The following ADCY2 variants were observed in gnomAD, a reference collection of about 807,000 sequenced individuals.
The protein encoded by ADCY2 is adenylate cyclase type 2.
ADCY2 carries 31 observed loss-of-function variants against 125.2 expected under a neutral mutation model. The ratio of observed to expected loss-of-function variants is 0.25; its 90% CI spans 0.19 to 0.33. ADCY2 has a LOEUF of 0.33. Ranked by LOEUF, ADCY2 falls within the 10% of genes least tolerant of loss-of-function variation. The pLI is 1.00. For missense variants in ADCY2, 904 were observed against 1,418.2 expected, an observed-to-expected ratio of 0.64 and a Z score of 5.82; for synonymous variants, 512 against 548.4, an observed-to-expected ratio of 0.93 and a Z score of 0.93.
intron 1 of ADCY2, among the ~76,000 whole-genome samples, chr5:7,412,030 C>A (rs1426477844): frequency 7.9e-5 from 12 of 151,644 alleles, no homozygotes; most frequent in Admixed American, 7.2e-4. Context: ...AGCCGAGATC[C>A]CGCCACAGCA....
intron 4 of ADCY2, among the ~76,000 whole-genome samples, chr5:7,646,238 G>T (rs1342245975): frequency 6.6e-6 from 1 of 151,802 alleles, no homozygotes; most frequent in Non-Finnish European, 1.5e-5. Context: ...AACAAAGCCA[G>T]AAATTGTTTT....
intron 2 of ADCY2, among the ~76,000 whole-genome samples, chr5:7,513,402 A>G (rs1014864816): frequency 2.0e-5 from 3 of 152,204 alleles, no homozygotes; most frequent in African/African-American, 7.2e-5. Flanking sequence ...AGGTGAAAAC[A>G]TGTTTATTGT....
intron 3 of ADCY2, among the ~76,000 whole-genome samples, chr5:7,535,199 C>A (rs1254301931): frequency 1.3e-5 from 2 of 152,184 alleles, no homozygotes; most frequent in Non-Finnish European, 2.9e-5. Context: ...TGCCACCACG[C>A]CCAGCTAATT....
At chr5:7,614,727 C>T (rs1179729293) in intron 3 of ADCY2, among the ~76,000 whole-genome samples, 1 of 152,162 alleles carries the variant, frequency 6.6e-6, no homozygotes, top group Non-Finnish European at 1.5e-5. Context: ...CAGGGGACTG[C>T]AGGGCAAGAG....
intron 3 of ADCY2, among the ~76,000 whole-genome samples, chr5:7,521,185 G>A (rs1744433226): frequency 1.3e-5 from 2 of 152,080 alleles, no homozygotes. Context: ...TGATTTTGAT[G>A]GTCAAAAGGT....
At chr5:7,525,738 G>T (rs1196102693) in intron 3 of ADCY2, among the ~76,000 whole-genome samples, 3 of 151,900 alleles carry the variant, frequency 2.0e-5, no homozygotes, top group African/African-American at 7.3e-5. Flanking sequence ...AGCAACCATA[G>T]GTTTCACTCC....
intron 4 of ADCY2, among the ~76,000 whole-genome samples, chr5:7,636,357 C>T (rs1037272300): frequency 1.3e-5 from 2 of 152,080 alleles, no homozygotes; most frequent in African/African-American, 2.4e-5. Flanking sequence ...GGTTTCTAAT[C>T]GGTGGGTTTA....
At position 7,537,510 on chromosome 5, in the gene ADCY2, G is replaced by T. The variant is rs373154079; in HGVS notation, c.570+16611G>T. 2.1e-4 allele frequency among the ~76,000 whole-genome samples: 32 copies of T among 152,194 alleles called. No homozygotes were observed. In the South Asian group the frequency reaches 6.4e-3, roughly 31 times the overall value. ...TCCATCACACTCACCCCTCCATCTT[G>T]TTAGGCACCAGATTCTGTTTATTGC... On this transcript the variant is annotated intron_variant, in intron 3 of 24. Transcript: ENST00000338316.
chr5:7,623,521 A>G (rs1168411240), intron 3 of ADCY2, among the ~76,000 whole-genome samples: 2 of 152,178 alleles, frequency 1.3e-5, no homozygotes, highest in Non-Finnish European at 2.9e-5. Context: ...GCTGAAATCA[A>G]CTCCTGTTCA....
At chr5:7,411,015 C>A (rs1271784669) in intron 1 of ADCY2, among the ~76,000 whole-genome samples, 2 of 152,166 alleles carry the variant, frequency 1.3e-5, no homozygotes, top group Non-Finnish European at 2.9e-5. Context: ...AAGAAAAATG[C>A]ATGATGCAGG....
Position 7,619,238 on chromosome 5 carries a change from C to T in ADCY2, c.571-6929C>T, listed in dbSNP as rs368863898. 2.1e-4 allele frequency among the ~76,000 whole-genome samples: 32 copies of T among 152,274 alleles called. No homozygotes were observed. The East Asian group carries it at 3.5e-3, about 17-fold the overall frequency. On this transcript the variant is annotated intron_variant, in intron 3 of 24. Transcript: ENST00000338316. The stretch of plus-strand genomic sequence containing the variant: ...CAGACTGGGTCACGAGACAGTGTTT[C>T]GGCTGTCTGGACAGAGACTAATGCT...
intron 3 of ADCY2, among the ~76,000 whole-genome samples, chr5:7,624,610 A>G (rs953313352): frequency 6.6e-6 from 1 of 152,120 alleles, no homozygotes; most frequent in Non-Finnish European, 1.5e-5. Context: ...CCTTGGGAGG[A>G]CTGTCCTCCC....
chr5:7,728,795 C>T (rs1292150248), intron 14 of ADCY2, among the ~76,000 whole-genome samples: 1 of 152,118 alleles, frequency 6.6e-6, no homozygotes, highest in Non-Finnish European at 1.5e-5. Flanking sequence ...ATAAGTAATA[C>T]AGGATCTGTC....
At chr5:7,512,625 C>T (rs1007156335) in intron 2 of ADCY2, among the ~76,000 whole-genome samples, 3 of 152,044 alleles carry the variant, frequency 2.0e-5, no homozygotes, top group African/African-American at 7.2e-5. Flanking sequence ...TATTCCAGGC[C>T]TGTTTTGATA....
chr5:7,465,173 G>C (rs1742068121), intron 2 of ADCY2, among the ~76,000 whole-genome samples: 1 of 152,192 alleles, frequency 6.6e-6, no homozygotes, highest in East Asian at 1.9e-4. Context: ...TTCAAGATGA[G>C]ATTTGGGTGG....
chr5:7,702,459 A>T (rs971795690), intron 7 of ADCY2, among the ~76,000 whole-genome samples: 1 of 150,770 alleles, frequency 6.6e-6, no homozygotes, highest in African/African-American at 2.4e-5. Context: ...GTTCCCACCT[A>T]TGAGTGAGAA....
chr5:7,658,839 A>T (rs1739432208), intron 4 of ADCY2, among the ~76,000 whole-genome samples: 2 of 152,194 alleles, frequency 1.3e-5, no homozygotes, highest in South Asian at 4.1e-4. Context: ...AAGCCCGTTC[A>T]CTGCAGTATT....
intron 1 of ADCY2, among the ~76,000 whole-genome samples, chr5:7,410,435 A>T (rs1267860445): frequency 6.6e-6 from 1 of 152,194 alleles, no homozygotes; most frequent in Non-Finnish European, 1.5e-5. Flanking sequence ...CACATAAGGA[A>T]TAAAAGTGAT....
intron 2 of ADCY2, among the ~76,000 whole-genome samples, chr5:7,476,897 A>G (rs1250780545): frequency 6.6e-6 from 1 of 152,216 alleles, no homozygotes; most frequent in East Asian, 1.9e-4. Context: ...TTTGCAACTC[A>G]GTAATAATAT....
Sources: allele counts gnomAD v4.1 joint callset (sites outside exome capture counted in the v4.1 genomes callset), GRCh38; gene constraint gnomAD v4.1.1; transcripts MANE v1.5; gene names NCBI Gene and HGNC (gene_info 2026-07-23, HGNC 2026-07-21).